Variants in HERC2 observed in about 807,000 individuals in gnomAD.
The protein encoded by HERC2 is HECT and RLD domain containing E3 ubiquitin protein ligase 2.
In HERC2, 102 loss-of-function variants were observed where a neutral mutation model predicts 537.7. That is an observed-to-expected ratio of 0.19 (90% CI 0.16 to 0.22). The LOEUF is 0.22. HERC2 is among the 10% of genes least tolerant of loss of function. The pLI is 1.00. For missense variants in HERC2, 4,236 were observed against 6,198.2 expected, an observed-to-expected ratio of 0.68 and a Z score of 10.63; for synonymous variants, 2,224 against 2,466.2, an observed-to-expected ratio of 0.90 and a Z score of 2.91.
At chr15:28,224,166 C>CAGAGAG (rs1555431548) in intron 35 of HERC2, among the ~76,000 whole-genome samples, 21 of 147,654 alleles carry the variant, frequency 1.4e-4, no homozygotes, top group African/African-American at 4.6e-4. Flanking sequence ...CACACACACA[C>CAGAGAG]AGAGAGAGAG....
At chr15:28,158,695 G>T (rs1469910311) in intron 69 of HERC2, among the ~76,000 whole-genome samples, 2 of 151,844 alleles carry the variant, frequency 1.3e-5, no homozygotes, top group Non-Finnish European at 2.9e-5. Flanking sequence ...TATCCAATTT[G>T]CCAGTCTGTG....
intron 78 of HERC2, among the ~76,000 whole-genome samples, chr15:28,139,888 A>G (rs1164460783): frequency 2.1e-5 from 3 of 145,406 alleles, no homozygotes; most frequent in South Asian, 2.1e-4. Flanking sequence ...GCGAAACCCC[A>G]TCTCTACTAA....
intron 3 of HERC2, among the ~76,000 whole-genome samples, chr15:28,296,303 A>G (rs898414126): frequency 2.6e-5 from 4 of 152,070 alleles, no homozygotes; most frequent in Admixed American, 6.6e-5. Context: ...GTGAAACTCC[A>G]TCTTTATTAA....
chr15:28,181,706 A>C (rs961691553), intron 57 of HERC2, among the ~76,000 whole-genome samples: 1 of 152,202 alleles, frequency 6.6e-6, no homozygotes, highest in Non-Finnish European at 1.5e-5. Context: ...CAAATGCATC[A>C]TTTCTTACAC....
At chr15:28,224,646 A>G (rs998546755) in intron 35 of HERC2, among the ~76,000 whole-genome samples, 1 of 152,172 alleles carries the variant, frequency 6.6e-6, no homozygotes, top group Non-Finnish European at 1.5e-5. Flanking sequence ...CACCACCATA[A>G]ACCAATCAGA....
Position 28,195,851 on chromosome 15 carries a change from T to A in HERC2, c.8260+364A>T, listed in dbSNP as rs1897302169. ...GGCTAATTTTAAGTTATATATATTT[T>A]GCCACAATGACAAATACAATAAAAG... On this transcript the variant is annotated intron_variant, in intron 52 of 92. Coordinates refer to ENST00000261609, the MANE Select transcript of HERC2 (RefSeq NM_004667.6). 2.0e-5 allele frequency among the ~76,000 whole-genome samples: 3 copies of A among 152,232 alleles called. No homozygotes were observed. In the South Asian group the frequency reaches 6.2e-4, roughly 32 times the overall value.
intron 70 of HERC2, among the ~76,000 whole-genome samples, chr15:28,146,658 G>C (rs555733909): frequency 1.3e-5 from 2 of 151,148 alleles, no homozygotes; most frequent in African/African-American, 4.9e-5. Flanking sequence ...ACTGACCAGG[G>C]GCTGTGGGAA....
At position 28,228,331 on chromosome 15, in the gene HERC2, C is replaced by T. The variant is rs1377524842; in HGVS notation, c.5351G>A (p.Arg1784His). The T allele has an allele frequency of 1.4e-5, 23 of 1,612,122 alleles. No individual in the cohort carries two copies. Among genetic ancestry groups the T allele is most frequent in the African/African-American group, 2.7e-5 (2 of 74,854 alleles). ...GPSLGTIPQA[R>H]FLLVMLSMLT... ...CATGCTGAGCATCACCAGGAGGAAGCGGGCTTGCGGGATGGTCCCCAGGCT... is the reference window on the plus strand; with the variant it reads ...CATGCTGAGCATCACCAGGAGGAAGTGGGCTTGCGGGATGGTCCCCAGGCT... Residue 1784 changes from arginine (R) to histidine (H), a missense_variant, in exon 35 of 93, where the codon CGC becomes CAC. Physicochemically the swap from Arg to His is conservative, Grantham distance 29. This residue lies in a region of HERC2 where 343 missense variants were observed against 417.2 expected (regional missense o/e 0.82). Transcript: ENST00000261609.
intron 44 of HERC2, among the ~76,000 whole-genome samples, chr15:28,210,251 A>G (rs1167166793): frequency 6.6e-6 from 1 of 152,046 alleles, no homozygotes; most frequent in Non-Finnish European, 1.5e-5. Context: ...CTCCTGCGTC[A>G]GCCTCCCAAG....
rs945477310 is a variant in HERC2 at position 28,208,729 on chromosome 15, C to T, written c.7069+2273G>A. 2.8e-4 allele frequency among the ~76,000 whole-genome samples: 43 copies of T among 152,332 alleles called. 1 individual carries two copies. Among genetic ancestry groups the T allele is most frequent in the Admixed American group, 2.5e-3 (39 of 15,298 alleles). On this transcript the variant is annotated intron_variant, in intron 44 of 92. Coordinates refer to ENST00000261609, the MANE Select transcript of HERC2 (RefSeq NM_004667.6). ...CTTTCACTCCTCTCCTCCTGGTCCA[C>T]CACCAGCAAAGTGCTTGTCTGCTGG...
At chr15:28,112,921 A>G in intron 92 of HERC2, 150 bp downstream of exon 92, 1 of 654,548 alleles carries the variant, frequency 1.5e-6, no homozygotes, top group South Asian at 2.0e-5. Context: ...TTGAGCCTTC[A>G]CATCAGAGAA....
chr15:28,277,464 A>T (rs116392926), intron 5 of HERC2, among the ~76,000 whole-genome samples: 11,225 of 32,908 alleles, frequency 0.34, 1,447 homozygotes, highest in African/African-American at 0.45. Context: ...ACAATTATCT[A>T]AAAAAAAAAA....
chr15:28,192,721 T>A (rs539867536), intron 52 of HERC2, among the ~76,000 whole-genome samples: 1 of 152,344 alleles, frequency 6.6e-6, no homozygotes, highest in South Asian at 2.1e-4. Context: ...GATCAGAGGC[T>A]GCTGTTCCCT....
At chr15:28,272,755 G>A in intron 8 of HERC2, 139 bp downstream of exon 8, 1 of 604,706 alleles carries the variant, frequency 1.7e-6, no homozygotes, top group Non-Finnish European at 2.9e-6. Context: ...TAAAGAGAGA[G>A]AGCCCTGGGA....
At position 28,268,423 on chromosome 15, in the gene HERC2, T is replaced by A. The variant is rs775066829; in HGVS notation, c.1598+42A>T. 2 of 1,583,874 alleles carry A rather than the reference T, an allele frequency of 1.3e-6. No homozygotes were observed. Among genetic ancestry groups the A allele is most frequent in the Non-Finnish European group, 1.7e-6 (2 of 1,159,138 alleles). On this transcript the variant is annotated intron_variant, in intron 12 of 92. Transcript: ENST00000261609. The surrounding 1 kb of genome is among the most constrained non-coding windows in gnomAD (Gnocchi z 4.7). ...CCATCCTGTTTAGGATATGGCAACA[T>A]AAAAGGAGAGTGTGTCCCCTACAGG...
At chr15:28,180,175 C>T (rs969072921) in intron 57 of HERC2, among the ~76,000 whole-genome samples, 4 of 152,116 alleles carry the variant, frequency 2.6e-5, no homozygotes, top group African/African-American at 9.7e-5. Flanking sequence ...GTATTTTTAC[C>T]GTACCTTTTC....
chr15:28,257,329 A>C (rs2075292919), intron 16 of HERC2, 68 bp from the exon 17 acceptor site: 1 of 1,380,358 alleles, frequency 7.2e-7, no homozygotes, highest in African/African-American at 1.4e-5. Flanking sequence ...CACAGGAGTC[A>C]CCAGCGTGTG....
In HERC2 at chr15:28,256,170, C is replaced by A. The variant is rs1489133767; in HGVS notation, c.2665G>T (p.Val889Leu). The change falls in exon 18 of 93, where the codon GTG becomes TTG. Residue 889 changes from valine (V) to leucine (L), a missense_variant. By Grantham distance (32) the Val-to-Leu change is conservative. Coordinates refer to ENST00000261609, the MANE Select transcript of HERC2 (RefSeq NM_004667.6). ...LSTVQSAAQA[V>L]LQSGWSVLLP... ...AGCACGGACCAGCCACTCTGCAGCA[C>A]GGCCTGGGCGGCCGACTGCACGGTG... The A allele has an allele frequency of 3.1e-6, 5 of 1,601,608 alleles. No homozygotes were observed. Among genetic ancestry groups the A allele is most frequent in the Non-Finnish European group, 4.2e-6 (5 of 1,179,786 alleles).
At chr15:28,184,438 T>C (rs995388138) in intron 56 of HERC2, among the ~76,000 whole-genome samples, 1 of 152,176 alleles carries the variant, frequency 6.6e-6, no homozygotes, top group Non-Finnish European at 1.5e-5. Flanking sequence ...AATAAGATCT[T>C]ACCAGAACAA....
Sources: gnomAD v4.1 joint callset for allele counts (sites outside exome capture counted in the v4.1 genomes callset) on GRCh38, gnomAD v4.1.1 for gene constraint, gnomAD v4.1.1 regional missense constraint, Gnocchi (gnomAD v3.1) non-coding constraint, MANE v1.5 for transcripts, NCBI Gene and HGNC (gene_info 2026-07-23, HGNC 2026-07-21) for gene names.